The following DACH1 variants were observed in gnomAD, a reference collection of about 807,000 sequenced individuals.
DACH1 encodes the protein dachshund homolog 1.
A neutral mutation model predicts 54.2 loss-of-function variants in DACH1; 12 were observed. The ratio of observed to expected loss-of-function variants is 0.22; its 90% CI spans 0.14 to 0.36. The LOEUF (loss-of-function observed/expected upper bound fraction) is 0.36. DACH1 is among the 10% of genes least tolerant of loss of function. DACH1 has a pLI of 1.00. For synonymous variants in DACH1, 386 were observed against 366.2 expected, an observed-to-expected ratio of 1.05 and a Z score of -0.62; for missense variants, 805 against 929.8, an observed-to-expected ratio of 0.87 and a Z score of 1.75.
intron 1 of DACH1, among the ~76,000 whole-genome samples, chr13:71,786,410 C>T (rs1171400331): frequency 6.6e-6 from 1 of 152,086 alleles, no homozygotes; most frequent in Non-Finnish European, 1.5e-5. Context: ...GCTTCATAGC[C>T]AGGCAGGTGA....
At position 71,479,268 on chromosome 13, in the gene DACH1, C is replaced by A; in HGVS notation, c.1771G>T (p.Val591Phe). The A allele has an allele frequency of 1.9e-6, 3 of 1,613,564 alleles. No homozygotes were observed. The highest frequency in any genetic ancestry group is 2.5e-6 in the Non-Finnish European group (3 of 1,179,790). Residue 591 changes from valine (V) to phenylalanine (F), a missense_variant, in exon 8 of 11, where the codon GTC (valine) becomes TTC (phenylalanine). Physicochemically the swap from Val to Phe is conservative, Grantham distance 50. Transcript: ENST00000613252. ...TTCAGCTCAGTTTTTTCCAGTTGGA[C>A]CTGTTTCTCTTGAGCTCTGGCATTA... ...IDNARAQEKQ[V>F]QLEKTELKMD...
intron 2 of DACH1, among the ~76,000 whole-genome samples, chr13:71,635,315 A>T (rs1877402030): frequency 6.6e-6 from 1 of 152,166 alleles, no homozygotes; most frequent in South Asian, 2.1e-4. Flanking sequence ...ACCACCCTCA[A>T]CCCACTCTGC....
chr13:71,540,502 A>T (rs1883062940), intron 6 of DACH1, among the ~76,000 whole-genome samples: 2 of 152,118 alleles, frequency 1.3e-5, no homozygotes, highest in Admixed American at 6.6e-5. Flanking sequence ...AGTAAATATA[A>T]TTACAAATGC....
intron 6 of DACH1, among the ~76,000 whole-genome samples, chr13:71,532,357 A>G (rs933797370): frequency 6.6e-6 from 1 of 151,988 alleles, no homozygotes; most frequent in Non-Finnish European, 1.5e-5. Flanking sequence ...AGTAAAGAGA[A>G]ATATTTATGA....
chr13:71,524,488 T>C (rs1466635334), intron 6 of DACH1, among the ~76,000 whole-genome samples: 1 of 152,120 alleles, frequency 6.6e-6, no homozygotes, highest in Non-Finnish European at 1.5e-5. Flanking sequence ...CATTTTGGTC[T>C]TTCGATACTG....
At position 71,865,870 on chromosome 13, in the gene DACH1, G is replaced by T; in HGVS notation, c.848+52C>A. 5 of 1,497,084 alleles carry T rather than the reference G, an allele frequency of 3.3e-6. No homozygotes were observed. The South Asian group carries it at 6.7e-5, about 20-fold the overall frequency. 92.7% of individuals were successfully genotyped at this position (1,497,084 alleles called of 1,614,324 possible). A position where few individuals can be genotyped will look rare whatever the true frequency, so the allele number is the denominator to read the frequency against. ...CCGGGAAAGGAGCGAGGGCAGGCGA[G>T]CAGGCTGGTGGGAAGGGGCGCGGGC... On this transcript the variant is annotated intron_variant, in intron 1 of 10. Transcript: ENST00000613252.
chr13:71,547,547 G>T (rs1040105919), intron 6 of DACH1, among the ~76,000 whole-genome samples: 2 of 151,950 alleles, frequency 1.3e-5, no homozygotes, highest in African/African-American at 4.8e-5. Flanking sequence ...GCTTCTACTG[G>T]GACAAAACTG....
chr13:71,819,530 T>C (rs1888105118), intron 1 of DACH1, among the ~76,000 whole-genome samples: 1 of 152,200 alleles, frequency 6.6e-6, no homozygotes, highest in South Asian at 2.1e-4. Flanking sequence ...TTCATGGTCA[T>C]GGTATCACAT....
At chr13:71,497,603 A>T (rs1036881172) in intron 6 of DACH1, among the ~76,000 whole-genome samples, 1 of 152,048 alleles carries the variant, frequency 6.6e-6, no homozygotes, top group South Asian at 2.1e-4. Context: ...AAGTGCTGGG[A>T]TTACAGGCGT....
chr13:71,622,460 T>C (rs1018004924), intron 3 of DACH1, among the ~76,000 whole-genome samples: 4 of 151,956 alleles, frequency 2.6e-5, no homozygotes, highest in Non-Finnish European at 5.9e-5. Context: ...ATCAATCATA[T>C]GAAATTCAAA....
At chr13:71,711,795 T>C (rs780449238) in intron 1 of DACH1, among the ~76,000 whole-genome samples, 23 of 152,132 alleles carry the variant, frequency 1.5e-4, no homozygotes, top group African/African-American at 5.3e-4. Context: ...AATGATATGA[T>C]AAAAGTCACA....
chr13:71,844,700 C>T (rs999293541), intron 1 of DACH1, among the ~76,000 whole-genome samples: 2 of 151,944 alleles, frequency 1.3e-5, no homozygotes, highest in East Asian at 3.9e-4. Flanking sequence ...CCATCACTTC[C>T]CCTATATAAT....
intron 1 of DACH1, among the ~76,000 whole-genome samples, chr13:71,748,874 CTTTCTTTCTTTCTTTCTTTCTTTCTCTT>C (rs1566476613): frequency 5.4e-4 from 11 of 20,226 alleles, no homozygotes; most frequent in East Asian, 1.4e-3. Flanking sequence ...TTCTTTCTTT[CTTTCTTTCTTTCTTTCTTTCTTTCTCTT>C]TCTTTCTTTC....
intron 3 of DACH1, among the ~76,000 whole-genome samples, chr13:71,592,494 CAAAAAAAAAA>C (rs575364116): frequency 1.8e-4 from 6 of 32,782 alleles, no homozygotes; most frequent in Non-Finnish European, 3.0e-4. Flanking sequence ...GACTCTATCT[CAAAAAAAAAA>C]AAAAAAAAAA....
intron 1 of DACH1, among the ~76,000 whole-genome samples, chr13:71,805,434 G>A (rs1300556837): frequency 6.6e-6 from 1 of 152,130 alleles, no homozygotes; most frequent in Admixed American, 6.6e-5. Flanking sequence ...TATTTCATAT[G>A]TAATTCATAG....
intron 1 of DACH1, among the ~76,000 whole-genome samples, chr13:71,684,372 G>A (rs1881054272): frequency 6.6e-6 from 1 of 152,076 alleles, no homozygotes; most frequent in Non-Finnish European, 1.5e-5. Flanking sequence ...TTTGGTCCCT[G>A]ACGGCTTTTC....
At chr13:71,670,084 A>T (rs911043624) in intron 2 of DACH1, among the ~76,000 whole-genome samples, 4 of 152,086 alleles carry the variant, frequency 2.6e-5, no homozygotes, top group Admixed American at 2.6e-4. Flanking sequence ...GGCAACTTTA[A>T]TTAATGTGAA....
At chr13:71,714,253 A>G (rs760524484) in intron 1 of DACH1, among the ~76,000 whole-genome samples, 34 of 152,108 alleles carry the variant, frequency 2.2e-4, no homozygotes, top group Admixed American at 8.5e-4. Flanking sequence ...CAACGTACCA[A>G]TAAGAAGAAA....
chr13:71,653,307 G>C (rs1878813868), intron 2 of DACH1, among the ~76,000 whole-genome samples: 1 of 152,114 alleles, frequency 6.6e-6, no homozygotes, highest in African/African-American at 2.4e-5. Flanking sequence ...CTGGTTCTAA[G>C]GTCAACACAT....
Sources: allele counts gnomAD v4.1 joint callset (sites outside exome capture counted in the v4.1 genomes callset), GRCh38; gene constraint gnomAD v4.1.1; transcripts MANE v1.5; gene names NCBI Gene and HGNC (gene_info 2026-07-23, HGNC 2026-07-21).